NECAB1: variants seen among roughly 807,000 people sequenced by gnomAD.
The protein encoded by NECAB1 is N-terminal EF-hand calcium-binding protein 1.
NECAB1 carries 29 observed loss-of-function variants against 57.5 expected under a neutral mutation model. The observed-to-expected ratio is 0.50, with a 90% CI of 0.38 to 0.69. The LOEUF (loss-of-function observed/expected upper bound fraction) is 0.69, where lower values mean the gene tolerates loss of function less well. Ranked by LOEUF, NECAB1 falls within the 30% of genes least tolerant of loss-of-function variation. NECAB1 has a pLI of 0.00. For missense variants in NECAB1, 372 were observed against 413.8 expected (o/e 0.90, Z 0.88); for synonymous variants, 142 against 147.7 (o/e 0.96, Z 0.28).
intron 2 of NECAB1, among the ~76,000 whole-genome samples, chr8:90,817,528 G>A (rs546761665): frequency 1.3e-4 from 20 of 151,370 alleles, no homozygotes; most frequent in Non-Finnish European, 2.8e-4. Flanking sequence ...TTATTAATGG[G>A]TGTATGATTT....
At chr8:90,913,828 G>C (rs1310875603) in intron 5 of NECAB1, among the ~76,000 whole-genome samples, 2 of 152,222 alleles carry the variant, frequency 1.3e-5, no homozygotes, top group African/African-American at 4.8e-5. Flanking sequence ...CGGGTCTGCA[G>C]TCTCAAACCT....
At chr8:90,873,297 T>A (rs1247180744) in intron 4 of NECAB1, among the ~76,000 whole-genome samples, 1 of 152,214 alleles carries the variant, frequency 6.6e-6, no homozygotes, top group African/African-American at 2.4e-5. Context: ...CAGGACATGC[T>A]TTTGTTAGTT....
chr8:90,895,711 T>G (rs990173038), intron 5 of NECAB1, among the ~76,000 whole-genome samples: 1 of 152,198 alleles, frequency 6.6e-6, no homozygotes, highest in African/African-American at 2.4e-5. Flanking sequence ...CCTTGCCCCA[T>G]GAAGTTAAAT....
chr8:90,837,069 T>C (rs931325532), intron 3 of NECAB1, among the ~76,000 whole-genome samples: 1 of 152,218 alleles, frequency 6.6e-6, no homozygotes, highest in Non-Finnish European at 1.5e-5. Context: ...TCATCATTTT[T>C]TACAAAAATT....
intron 3 of NECAB1, among the ~76,000 whole-genome samples, chr8:90,828,178 C>G (rs1457490813): frequency 7.0e-6 from 1 of 143,224 alleles, no homozygotes; most frequent in East Asian, 2.1e-4. Flanking sequence ...TGGATCTTTT[C>G]AGTCAGGTTT....
intron 5 of NECAB1, among the ~76,000 whole-genome samples, chr8:90,906,547 G>A (rs1197575471): frequency 6.6e-6 from 1 of 152,048 alleles, no homozygotes; most frequent in East Asian, 1.9e-4. Flanking sequence ...CAAGATTACT[G>A]TCAGTCTCTT....
At chr8:90,854,842 G>A (rs1264578268) in intron 3 of NECAB1, among the ~76,000 whole-genome samples, 3 of 152,166 alleles carry the variant, frequency 2.0e-5, no homozygotes, top group African/African-American at 7.2e-5. Context: ...AAAATATCTG[G>A]TTCTGTCAAG....
intron 12 of NECAB1, among the ~76,000 whole-genome samples, chr8:90,954,506 A>C (rs963669626): frequency 1.3e-5 from 2 of 151,116 alleles, no homozygotes; most frequent in Non-Finnish European, 3.0e-5. Context: ...AACAGGATAC[A>C]AAAAAAAAGA....
intron 3 of NECAB1, among the ~76,000 whole-genome samples, chr8:90,834,164 CAAAAAAAAAAAAA>C (rs71560282): frequency 6.1e-5 from 3 of 49,136 alleles, no homozygotes; most frequent in Non-Finnish European, 1.2e-4. Context: ...AACTGTGTCT[CAAAAAAAAAAAAA>C]AAAAAAAAAA....
At chr8:90,801,813 TA>T in intron 2 of NECAB1, 98 bp downstream of exon 2, 1 of 829,028 alleles carries the variant, frequency 1.2e-6, no homozygotes, top group South Asian at 1.8e-5. Context: ...CCGGGAAAAT[TA>T]CATATAAAAT....
intron 3 of NECAB1, among the ~76,000 whole-genome samples, chr8:90,865,633 T>C (rs1034604022): frequency 6.6e-6 from 1 of 152,192 alleles, no homozygotes; most frequent in Admixed American, 6.5e-5. Context: ...ACTTCTACCC[T>C]GGTATGGCTT....
At chr8:90,872,406 G>T (rs914557385) in intron 4 of NECAB1, 1 of 347,684 alleles carries the variant, frequency 2.9e-6, no homozygotes, top group East Asian at 4.6e-5. Flanking sequence ...CATTAGTTTC[G>T]CAAGAGCAAA....
At chr8:90,882,491 A>T (rs931300593) in intron 5 of NECAB1, among the ~76,000 whole-genome samples, 2 of 152,108 alleles carry the variant, frequency 1.3e-5, no homozygotes, top group Admixed American at 1.3e-4. Flanking sequence ...CTCTTCAGGA[A>T]TATTTGGAAA....
intron 5 of NECAB1, among the ~76,000 whole-genome samples, chr8:90,900,826 G>C (rs1191409221): frequency 1.3e-5 from 2 of 152,140 alleles, no homozygotes; most frequent in Non-Finnish European, 2.9e-5. Flanking sequence ...ATGACCCCAA[G>C]CCTGGGGCTC....
chr8:90,862,292 G>A (rs1171223926), intron 3 of NECAB1, among the ~76,000 whole-genome samples: 2 of 152,116 alleles, frequency 1.3e-5, no homozygotes, highest in Admixed American at 6.6e-5. Context: ...AGACACACAT[G>A]AAACTGGAAA....
chr8:90,872,216 C>G (rs764359162), intron 4 of NECAB1, 63 bp downstream of exon 4: 9 of 1,277,998 alleles, frequency 7.0e-6, no homozygotes, highest in Non-Finnish European at 9.8e-6. Context: ...AGAGTATTGT[C>G]TGATATATAT....
intron 3 of NECAB1, among the ~76,000 whole-genome samples, chr8:90,838,064 CAT>C (rs1812398935): frequency 6.6e-6 from 1 of 152,054 alleles, no homozygotes; most frequent in South Asian, 2.1e-4. Flanking sequence ...GTCAGAGAAA[CAT>C]ATTCCAATGA....
At chr8:90,852,772 C>G (rs186902505) in intron 3 of NECAB1, among the ~76,000 whole-genome samples, 103 of 152,306 alleles carry the variant, frequency 6.8e-4, no homozygotes, top group Non-Finnish European at 8.2e-4. Flanking sequence ...TGCCCTGTCT[C>G]CTTTTCAACT....
At chr8:90,848,679 G>T (rs1164119346) in intron 3 of NECAB1, among the ~76,000 whole-genome samples, 1 of 152,168 alleles carries the variant, frequency 6.6e-6, no homozygotes, top group Non-Finnish European at 1.5e-5. Flanking sequence ...GCAGGGAACT[G>T]CCCTTTATAA....
Sources: allele counts gnomAD v4.1 joint callset (sites outside exome capture counted in the v4.1 genomes callset), GRCh38; gene constraint gnomAD v4.1.1; transcripts MANE v1.5; gene names NCBI Gene and HGNC (gene_info 2026-07-23, HGNC 2026-07-21).